Variants in SAMTOR observed in about 807,000 individuals in gnomAD.
SAMTOR encodes the protein UPF0532 protein C7orf60.
chr7:112,895,176 A>T, the SAMTOR span, among the ~76,000 whole-genome samples: 1 of 151,678 alleles, frequency 6.6e-6, no homozygotes, highest in Admixed American at 6.6e-5. Flanking sequence ...CATAAGAATT[A>T]CATATTGTTA....
At chr7:112,937,288 G>A in the SAMTOR span, among the ~76,000 whole-genome samples, 1 of 152,152 alleles carries the variant, frequency 6.6e-6, no homozygotes, top group Non-Finnish European at 1.5e-5. Context: ...GCATTTGCTG[G>A]TAGAAGAATT....
At chr7:112,860,668 C>T in the SAMTOR span, among the ~76,000 whole-genome samples, 1 of 151,950 alleles carries the variant, frequency 6.6e-6, no homozygotes, top group African/African-American at 2.4e-5. Context: ...TTTGGGAGGC[C>T]GAGGCGGGTG....
the SAMTOR span, among the ~76,000 whole-genome samples, chr7:112,836,109 G>A: frequency 2.6e-5 from 4 of 152,122 alleles, no homozygotes; most frequent in African/African-American, 9.7e-5. Context: ...CACCAGCACT[G>A]TATTAGCATT....
At chr7:112,923,487 A>C in the SAMTOR span, among the ~76,000 whole-genome samples, 1 of 152,132 alleles carries the variant, frequency 6.6e-6, no homozygotes, top group Non-Finnish European at 1.5e-5. Context: ...AAAATAAATA[A>C]ATAAATAAAT....
At chr7:112,834,571 TTCTGAGTAGCATGGTAAATTCTCAC>T in the SAMTOR span, among the ~76,000 whole-genome samples, 2 of 152,178 alleles carry the variant, frequency 1.3e-5, no homozygotes, top group Admixed American at 6.6e-5. Flanking sequence ...TTGCGTGACA[TTCTGAGTAGCATGGTAAATTCTCAC>T]ACCGTCAGAC....
the SAMTOR span, among the ~76,000 whole-genome samples, chr7:112,840,588 A>C: frequency 6.6e-6 from 1 of 151,816 alleles, no homozygotes; most frequent in African/African-American, 2.4e-5. Flanking sequence ...TGTGTGAGGC[A>C]AGACAAGATA....
chr7:112,912,958 G>C, the SAMTOR span, among the ~76,000 whole-genome samples: 4 of 152,256 alleles, frequency 2.6e-5, no homozygotes, highest in East Asian at 7.7e-4. Flanking sequence ...CTGCTGTACT[G>C]TAATAGTAAT....
the SAMTOR span, among the ~76,000 whole-genome samples, chr7:112,929,214 T>C: frequency 0.011 from 1,615 of 150,464 alleles, 28 homozygotes; most frequent in African/African-American, 0.038. Flanking sequence ...ATCCAAAAGA[T>C]ATATAAAAAA....
chr7:112,820,465 A>T, the SAMTOR span: 1 of 152,380 alleles, frequency 6.6e-6, no homozygotes, highest in Non-Finnish European at 1.5e-5. Context: ...TTAATGTAAT[A>T]ACCACTTGAA....
chr7:112,850,939 G>A, the SAMTOR span, among the ~76,000 whole-genome samples: 74 of 152,098 alleles, frequency 4.9e-4, no homozygotes, highest in African/African-American at 1.4e-3. Context: ...ATGATCTGAC[G>A]GAGAACCAAA....
At chr7:112,879,325 G>C in the SAMTOR span, among the ~76,000 whole-genome samples, 8 of 151,814 alleles carry the variant, frequency 5.3e-5, no homozygotes, top group Admixed American at 1.3e-4. Flanking sequence ...CGCTGAGTGT[G>C]AAGAGTAGAG....
chr7:112,832,440 A>C, the SAMTOR span: 1 of 647,596 alleles, frequency 1.5e-6, no homozygotes, highest in Admixed American at 3.1e-5. Context: ...TTTAGTTTTG[A>C]AATCTCTCCT....
the SAMTOR span, among the ~76,000 whole-genome samples, chr7:112,824,465 A>G: frequency 1.3e-5 from 2 of 151,990 alleles, no homozygotes; most frequent in East Asian, 1.9e-4. Context: ...GGTTCAAGTG[A>G]TTCTCCTGCC....
chr7:112,897,796 C>T, the SAMTOR span, among the ~76,000 whole-genome samples: 3,432 of 152,174 alleles, frequency 0.023, 66 homozygotes, highest in Admixed American at 0.042. Context: ...CAATCACCCC[C>T]TAGACCTGCA....
At chr7:112,864,787 C>T in the SAMTOR span, among the ~76,000 whole-genome samples, 1 of 152,212 alleles carries the variant, frequency 6.6e-6, no homozygotes, top group Non-Finnish European at 1.5e-5. Context: ...CAGGGTCTCT[C>T]TCTGTCACCT....
the SAMTOR span, among the ~76,000 whole-genome samples, chr7:112,901,884 A>T: frequency 1.3e-5 from 2 of 152,216 alleles, no homozygotes; most frequent in Non-Finnish European, 2.9e-5. Context: ...ACTTGGAAGC[A>T]ACCAAGATAC....
chr7:112,927,404 T>C, the SAMTOR span, among the ~76,000 whole-genome samples: 1 of 152,070 alleles, frequency 6.6e-6, no homozygotes, highest in African/African-American at 2.4e-5. Context: ...GTCAACACAG[T>C]ATAAGAAACA....
chr7:112,885,080 C>G, the SAMTOR span, among the ~76,000 whole-genome samples: 25 of 152,330 alleles, frequency 1.6e-4, no homozygotes, highest in African/African-American at 5.8e-4. Context: ...GAAGCAATGG[C>G]CTGAGCTGTA....
the SAMTOR span, among the ~76,000 whole-genome samples, chr7:112,830,075 G>T: frequency 6.6e-6 from 1 of 151,872 alleles, no homozygotes; most frequent in Non-Finnish European, 1.5e-5. Context: ...CGGTCTCCTA[G>T]GACTCTCAAC....
Sources: gnomAD v4.1 joint callset for allele counts (sites outside exome capture counted in the v4.1 genomes callset) on GRCh38, gnomAD v4.1.1 for gene constraint, MANE v1.5 for transcripts, NCBI Gene and HGNC (gene_info 2026-07-23, HGNC 2026-07-21) for gene names.